NR3C2: variants seen among roughly 807,000 people sequenced by gnomAD.
The protein encoded by NR3C2 is nuclear receptor subfamily 3 group C member 2.
NR3C2 carries 15 observed loss-of-function variants against 86.4 expected under a neutral mutation model. The ratio of observed to expected loss-of-function variants is 0.17; its 90% CI spans 0.12 to 0.27. NR3C2 has a LOEUF of 0.27. Ranked by LOEUF, NR3C2 falls within the 10% of genes least tolerant of loss-of-function variation. The probability of loss-of-function intolerance (pLI) is 1.00; values close to 1 mark genes in which losing one functional copy is unlikely to be tolerated. For missense variants in NR3C2, 960 were observed against 1,195.6 expected (o/e 0.80, Z 2.91); for synonymous variants, 458 against 450.5 (o/e 1.02, Z -0.21).
chr4:148,175,915 G>A (rs1011016155), intron 4 of NR3C2, among the ~76,000 whole-genome samples: 3 of 152,240 alleles, frequency 2.0e-5, no homozygotes, highest in African/African-American at 7.2e-5. Context: ...AGGATCACTT[G>A]AGCCCAGGAG....
intron 6 of NR3C2, among the ~76,000 whole-genome samples, chr4:148,139,974 A>G (rs533141687): frequency 4.6e-4 from 70 of 152,248 alleles, no homozygotes; most frequent in Non-Finnish European, 9.1e-4. Context: ...GTCTAAAGAC[A>G]TAAGTTCATA....
At chr4:148,212,359 C>T (rs1235635874) in intron 3 of NR3C2, among the ~76,000 whole-genome samples, 2 of 152,218 alleles carry the variant, frequency 1.3e-5, no homozygotes, top group Admixed American at 1.3e-4. Flanking sequence ...CTCATGGAAC[C>T]TACATGGCTC....
At chr4:148,269,202 A>C (rs1213044044) in intron 2 of NR3C2, among the ~76,000 whole-genome samples, 1 of 152,144 alleles carries the variant, frequency 6.6e-6, no homozygotes, top group Non-Finnish European at 1.5e-5. Flanking sequence ...GAGGAAGAAA[A>C]GTCCAAGTGG....
rs1460186437 is a variant in NR3C2, at chr4:148,418,202, T to C, written c.1757+16902A>G. ...CATCACAGTACATCACTGTGCAGCC[T>C]ATCTTATCTATGTTATAGTCCATAA... On this transcript the variant is annotated intron_variant, in intron 2 of 8. Transcript: ENST00000358102. Among the ~76,000 whole-genome samples, 15 of 152,218 alleles carry C rather than the reference T, an allele frequency of 9.9e-5. 1 individual carries two copies. The highest frequency in any genetic ancestry group is 9.8e-4 in the Admixed American group (15 of 15,282).
chr4:148,221,837 T>C (rs1200123602), intron 3 of NR3C2, among the ~76,000 whole-genome samples: 1 of 144,216 alleles, frequency 6.9e-6, no homozygotes, highest in Non-Finnish European at 1.5e-5. Context: ...GAGGTTGCAG[T>C]GAGCCAAGAT....
At chr4:148,342,183 T>G (rs139155617) in intron 2 of NR3C2, among the ~76,000 whole-genome samples, 18 of 152,152 alleles carry the variant, frequency 1.2e-4, no homozygotes, top group African/African-American at 3.6e-4. Flanking sequence ...AGACCTTTGA[T>G]GAAGGGTCAC....
chr4:148,220,690 G>A (rs1737791209), intron 3 of NR3C2, among the ~76,000 whole-genome samples: 1 of 152,174 alleles, frequency 6.6e-6, no homozygotes, highest in African/African-American at 2.4e-5. Context: ...CAGGCACTTG[G>A]GAAACTGAGG....
At chr4:148,163,301 G>T (rs1023131273) in intron 4 of NR3C2, among the ~76,000 whole-genome samples, 1 of 152,188 alleles carries the variant, frequency 6.6e-6, no homozygotes, top group Non-Finnish European at 1.5e-5. Context: ...GTGATGAAAT[G>T]AGTTATTGAG....
intron 4 of NR3C2, among the ~76,000 whole-genome samples, chr4:148,175,880 C>T (rs556157285): frequency 7.2e-5 from 11 of 152,308 alleles, no homozygotes; most frequent in African/African-American, 2.6e-4. Context: ...CCTGTAGTCC[C>T]AGCTACTCGG....
intron 6 of NR3C2, among the ~76,000 whole-genome samples, chr4:148,141,444 T>TCA (rs10650773): frequency 0.14 from 21,289 of 149,804 alleles, 1,849 homozygotes; most frequent in African/African-American, 0.24. Flanking sequence ...TCTCCCTCTC[T>TCA]CTCACACACA....
intron 4 of NR3C2, among the ~76,000 whole-genome samples, chr4:148,162,929 T>C (rs970371553): frequency 1.1e-4 from 16 of 152,180 alleles, no homozygotes; most frequent in Non-Finnish European, 2.1e-4. Context: ...CAAAACATGC[T>C]TCTGAAAGAA....
At chr4:148,131,381 C>T (rs530524666) in intron 6 of NR3C2, among the ~76,000 whole-genome samples, 1 of 152,222 alleles carries the variant, frequency 6.6e-6, no homozygotes, top group East Asian at 1.9e-4. Context: ...AACAGATGGT[C>T]CATGTCTCAG....
chr4:148,444,375 G>A (rs1007719812), upstream of NR3C2: 8 of 985,146 alleles, frequency 8.1e-6, no homozygotes, highest in African/African-American at 1.0e-4. Context: ...GGCCGCCAGC[G>A]GGCAACTCGT....
intron 2 of NR3C2, among the ~76,000 whole-genome samples, chr4:148,356,469 T>G (rs528793915): frequency 6.0e-4 from 92 of 152,210 alleles, no homozygotes; most frequent in Non-Finnish European, 5.6e-4. Context: ...CGTTTTTCTG[T>G]AGTGCCATTC....
At chr4:148,290,212 C>T (rs1010729757) in intron 2 of NR3C2, among the ~76,000 whole-genome samples, 3 of 152,124 alleles carry the variant, frequency 2.0e-5, no homozygotes, top group Non-Finnish European at 4.4e-5. Flanking sequence ...TGGCTGTATC[C>T]AAATTTCCTC....
intron 8 of NR3C2, among the ~76,000 whole-genome samples, chr4:148,112,678 T>C (rs1199322883): frequency 6.6e-6 from 1 of 152,220 alleles, no homozygotes; most frequent in African/African-American, 2.4e-5. Flanking sequence ...ACTTCTGTCA[T>C]ATGAAAAGTT....
intron 4 of NR3C2, among the ~76,000 whole-genome samples, chr4:148,187,003 TATATATATATATATATATATATATA>T (rs1735946136): frequency 4.4e-5 from 1 of 22,502 alleles, no homozygotes; most frequent in African/African-American, 4.5e-4. Flanking sequence ...TATGTATATA[TATATATATATATATATATATATATA>T]TATATATATA....
Position 148,088,002 on chromosome 4 carries a change from G to GAACTT in NR3C2, c.2800-6508_2800-6504dup, listed in dbSNP as rs544312284. ...AGGGCTAATATCCAGAATCTACAAA[G>GAACTT]AACTTAAATTTACAAGAAAAAAACA... On this transcript the variant is annotated intron_variant, in intron 8 of 8. Transcript: ENST00000358102. Among the ~76,000 whole-genome samples the GAACTT allele has an allele frequency of 1.5e-4, 23 of 152,134 alleles. No homozygotes were observed. In the East Asian group the frequency reaches 4.4e-3, roughly 29 times the overall value.
intron 6 of NR3C2, among the ~76,000 whole-genome samples, chr4:148,135,962 C>T (rs1733291309): frequency 9.0e-6 from 1 of 110,688 alleles, no homozygotes; most frequent in Non-Finnish European, 2.0e-5. Context: ...GAGGCTGAGG[C>T]AGGATAATGG....
Sources: gnomAD v4.1 joint callset for allele counts (sites outside exome capture counted in the v4.1 genomes callset) on GRCh38, gnomAD v4.1.1 for gene constraint, MANE v1.5 for transcripts, NCBI Gene and HGNC (gene_info 2026-07-23, HGNC 2026-07-21) for gene names.